The following MDGA2 variants were observed in gnomAD, a reference collection of about 807,000 sequenced individuals.
MDGA2 encodes the protein MAM domain containing glycosylphosphatidylinositol anchor 2.
MDGA2 carries 40 observed loss-of-function variants against 117.8 expected under a neutral mutation model. The ratio of observed to expected loss-of-function variants is 0.34; its 90% CI spans 0.26 to 0.44. MDGA2 has a LOEUF of 0.44. Among genes scored for constraint, MDGA2 ranks in the 20% least tolerant of loss-of-function variants. MDGA2 has a pLI of 1.00. For missense variants in MDGA2, 1,123 were observed against 1,250.6 expected (o/e 0.90, Z 1.54); for synonymous variants, 452 against 439.0 (o/e 1.03, Z -0.37).
intron 4 of MDGA2, among the ~76,000 whole-genome samples, chr14:47,133,309 T>A (rs1438664438): frequency 6.6e-6 from 1 of 151,888 alleles, no homozygotes; most frequent in Non-Finnish European, 1.5e-5. Flanking sequence ...GCCTAGAAAG[T>A]GGGCTTAGCT....
At chr14:47,049,545 T>A (rs939677466) in intron 7 of MDGA2, among the ~76,000 whole-genome samples, 1 of 152,054 alleles carries the variant, frequency 6.6e-6, no homozygotes, top group Non-Finnish European at 1.5e-5. Context: ...TATTTTTTTA[T>A]AATTTCGACT....
intron 6 of MDGA2, among the ~76,000 whole-genome samples, chr14:47,076,584 G>C (rs1890504804): frequency 6.7e-6 from 1 of 149,034 alleles, no homozygotes; most frequent in Non-Finnish European, 1.5e-5. Flanking sequence ...GTGTGTGTGT[G>C]TGTATTACCC....
chr14:47,589,040 T>A (rs1488600883), intron 1 of MDGA2, among the ~76,000 whole-genome samples: 2 of 151,864 alleles, frequency 1.3e-5, no homozygotes, highest in Non-Finnish European at 2.9e-5. Context: ...AATCTTGAGG[T>A]TACATTGGGC....
chr14:46,948,043 G>A (rs548471840), intron 9 of MDGA2, among the ~76,000 whole-genome samples: 14 of 151,706 alleles, frequency 9.2e-5, no homozygotes, highest in East Asian at 1.9e-4. Context: ...TGCCTATTCT[G>A]CAATTTAGTC....
intron 1 of MDGA2, among the ~76,000 whole-genome samples, chr14:47,321,938 T>A (rs1274431009): frequency 1.3e-5 from 2 of 152,156 alleles, no homozygotes; most frequent in Admixed American, 1.3e-4. Flanking sequence ...GTTCTGGAGC[T>A]TACTATTTTA....
chr14:47,388,559 C>T (rs369390866), intron 1 of MDGA2, among the ~76,000 whole-genome samples: 82 of 152,274 alleles, frequency 5.4e-4, no homozygotes, highest in African/African-American at 1.9e-3. Flanking sequence ...GCCCTTTTGA[C>T]TGAAGATTTC....
chr14:47,087,357 A>C lies in MDGA2; in HGVS notation c.1195+9497T>G, dbSNP rs1391651818. ...TGGTGAAACCCCACCTCTACAAAAA[A>C]ACACAAAAAATTAGCCAGGCATGGT... On this transcript the variant is annotated intron_variant, in intron 6 of 16. Coordinates refer to ENST00000399232, the MANE Select transcript of MDGA2 (RefSeq NM_001113498.3). Among the ~76,000 whole-genome samples, 3 of 151,764 alleles carry C rather than the reference A, an allele frequency of 2.0e-5. No individual in the cohort carries two copies. In the East Asian group the frequency reaches 5.8e-4, roughly 29 times the overall value.
intron 8 of MDGA2, among the ~76,000 whole-genome samples, chr14:47,019,282 A>G (rs1888199469): frequency 2.6e-5 from 4 of 152,198 alleles, no homozygotes. Flanking sequence ...TAATTTTGAC[A>G]AAATTAAAGG....
intron 1 of MDGA2, among the ~76,000 whole-genome samples, chr14:47,442,550 T>C (rs1240511416): frequency 2.0e-5 from 3 of 152,052 alleles, no homozygotes; most frequent in Non-Finnish European, 2.9e-5. Flanking sequence ...TATTAACAAA[T>C]TTATCCTCAC....
intron 4 of MDGA2, among the ~76,000 whole-genome samples, chr14:47,135,054 C>T (rs1435385423): frequency 2.0e-5 from 3 of 151,864 alleles, no homozygotes; most frequent in African/African-American, 4.8e-5. Context: ...AATACTTTTC[C>T]AACATTCCAC....
At chr14:47,600,518 C>T (rs913212917) in intron 1 of MDGA2, among the ~76,000 whole-genome samples, 2 of 152,084 alleles carry the variant, frequency 1.3e-5, no homozygotes, top group African/African-American at 4.8e-5. Flanking sequence ...TGAATGTCTA[C>T]ATGGTTCCTT....
chr14:47,637,796 T>G (rs905513800), intron 1 of MDGA2, among the ~76,000 whole-genome samples: 6 of 152,332 alleles, frequency 3.9e-5, no homozygotes, highest in African/African-American at 1.4e-4. Context: ...ATACTAAACT[T>G]TAGCTGGTCT....
intron 3 of MDGA2, among the ~76,000 whole-genome samples, chr14:47,211,163 AC>A (rs1426465372): frequency 5.3e-5 from 8 of 152,100 alleles, no homozygotes; most frequent in Non-Finnish European, 1.2e-4. Flanking sequence ...CACCATCGTA[AC>A]CACTAGTCCC....
intron 11 of MDGA2, among the ~76,000 whole-genome samples, chr14:46,880,546 G>A (rs565902436): frequency 6.6e-6 from 1 of 151,550 alleles, no homozygotes; most frequent in Non-Finnish European, 1.5e-5. Flanking sequence ...GCTCATGCCT[G>A]TAATCTAGCA....
At chr14:47,329,924 G>GA (rs1221418649) in intron 1 of MDGA2, among the ~76,000 whole-genome samples, 2 of 151,722 alleles carry the variant, frequency 1.3e-5, no homozygotes, top group Non-Finnish European at 2.9e-5. Context: ...AGAAAGTGGG[G>GA]AAAAAATCCT....
chr14:47,286,811 A>ATG lies in MDGA2; in HGVS notation c.420+14599_420+14600insCA, dbSNP rs1566720813. ...CTATCTCAGGCATATCATTATATATATATATATATATATACATATATATAT... is the reference window on the plus strand; with the variant it reads ...CTATCTCAGGCATATCATTATATATATGTATATATATATATACATATATATAT... On this transcript the variant is annotated intron_variant, in intron 2 of 16. Coordinates refer to ENST00000399232, the MANE Select transcript of MDGA2 (RefSeq NM_001113498.3). 1.7e-3 allele frequency among the ~76,000 whole-genome samples: 201 copies of ATG among 117,354 alleles called. 2 individuals are homozygous for ATG. The highest frequency in any genetic ancestry group is 5.6e-3 in the African/African-American group (195 of 34,676). The allele number at this position is 117,354 out of a possible 152,430, so 77.0% of individuals were successfully genotyped here. A position where few individuals can be genotyped will look rare whatever the true frequency, so the allele number is the denominator to read the frequency against.
chr14:47,594,185 C>T (rs1896494470), intron 1 of MDGA2, among the ~76,000 whole-genome samples: 1 of 152,050 alleles, frequency 6.6e-6, no homozygotes, highest in African/African-American at 2.4e-5. Flanking sequence ...AGGCTTGCTC[C>T]CTTTAAAGAA....
At chr14:47,476,269 C>T (rs1893834991) in intron 1 of MDGA2, among the ~76,000 whole-genome samples, 2 of 151,856 alleles carry the variant, frequency 1.3e-5, no homozygotes, top group Admixed American at 1.3e-4. Flanking sequence ...TTCGAGTGCA[C>T]AATTCAACAA....
At chr14:47,315,904 C>T (rs539678996) in intron 1 of MDGA2, among the ~76,000 whole-genome samples, 3 of 149,798 alleles carry the variant, frequency 2.0e-5, no homozygotes, top group African/African-American at 7.4e-5. Context: ...TTCACATCTG[C>T]CTAATGGTAT....
Sources: allele counts gnomAD v4.1 joint callset (sites outside exome capture counted in the v4.1 genomes callset), GRCh38; gene constraint gnomAD v4.1.1; transcripts MANE v1.5; gene names NCBI Gene and HGNC (gene_info 2026-07-23, HGNC 2026-07-21).